PRICKLE1: variants seen among roughly 807,000 people sequenced by gnomAD.
The protein encoded by PRICKLE1 is prickle-like protein 1.
PRICKLE1 carries 14 observed loss-of-function variants against 70.2 expected under a neutral mutation model. The observed-to-expected ratio is 0.20, with a 90% CI of 0.13 to 0.31. The LOEUF is 0.31. PRICKLE1 is among the 10% of genes least tolerant of loss of function. The pLI is 1.00. For synonymous variants in PRICKLE1, 357 were observed against 379.9 expected, an observed-to-expected ratio of 0.94 and a Z score of 0.70; for missense variants, 821 against 1,026.2, an observed-to-expected ratio of 0.80 and a Z score of 2.73.
intron 1 of PRICKLE1, among the ~76,000 whole-genome samples, chr12:42,476,597 T>C (rs1938545789): frequency 6.6e-6 from 1 of 152,186 alleles, no homozygotes. Context: ...ATTACAGGCG[T>C]GAGCCACGGC....
At chr12:42,517,178 G>A (rs1172378612) in intron 1 of PRICKLE1, among the ~76,000 whole-genome samples, 3 of 152,028 alleles carry the variant, frequency 2.0e-5, no homozygotes, top group Non-Finnish European at 4.4e-5. Context: ...AGATTCCAAA[G>A]TTTTGTTATT....
Position 42,464,254 on chromosome 12 carries a change from C to G in PRICKLE1, c.1639+141G>C, listed in dbSNP as rs756832236. On this transcript the variant is annotated intron_variant, in intron 7 of 7. Transcript: ENST00000345127. This position sits in a 1 kb window ranked among gnomAD's most constrained non-coding sequence, Gnocchi z 4.2. Reference sequence around the variant, plus strand: ...TGGGCTGGTCTCGAACTCCTGACCTCAAATGATCTGCCCACCTCAGCCTCC... The same window carrying G: ...TGGGCTGGTCTCGAACTCCTGACCTGAAATGATCTGCCCACCTCAGCCTCC... The G allele has an allele frequency of 6.5e-6, 7 of 1,075,390 alleles. No individual in the cohort carries two copies. Among genetic ancestry groups the G allele is most frequent in the Non-Finnish European group, 1.0e-5 (7 of 703,442 alleles). 66.6% of individuals were successfully genotyped at this position (1,075,390 alleles called of 1,614,324 possible).
intron 1 of PRICKLE1, among the ~76,000 whole-genome samples, chr12:42,499,582 G>A (rs974148364): frequency 3.3e-5 from 5 of 151,820 alleles, no homozygotes; most frequent in Admixed American, 6.6e-5. Flanking sequence ...CACCACACCC[G>A]GCTCATTTTT....
chr12:42,484,210 C>G (rs371169994), intron 1 of PRICKLE1: 7 of 150,994 alleles, frequency 4.6e-5, no homozygotes, highest in African/African-American at 1.5e-4. Flanking sequence ...CACGAGGTCC[C>G]GCGCGCACAA....
intron 1 of PRICKLE1, among the ~76,000 whole-genome samples, chr12:42,504,746 T>C (rs895772332): frequency 5.9e-5 from 9 of 152,218 alleles, no homozygotes; most frequent in Non-Finnish European, 1.3e-4. Context: ...TTAGACAGCA[T>C]TCTTTCTCCA....
Position 42,465,142 on chromosome 12 carries a change from C to G in PRICKLE1, c.892G>C (p.Gly298Arg). ...LLGCPFLPKQGQIYCSKTCSL... is the reference protein window; with the variant it reads ...LLGCPFLPKQRQIYCSKTCSL... ...CACGTTTTTGAGCAGTAAATCTGAC[C>G]CTGTTTGGGAAGGAAGGGACATCCC... Residue 298 changes from glycine (G) to arginine (R), a missense_variant, in exon 7 of 8, where the codon GGT (glycine) becomes CGT (arginine). Transcript: ENST00000345127. The G allele has an allele frequency of 6.3e-7, 1 of 1,583,808 alleles. No homozygotes were observed. Among genetic ancestry groups the G allele is most frequent in the Non-Finnish European group, 8.6e-7 (1 of 1,169,534 alleles).
intron 1 of PRICKLE1, chr12:42,483,440 G>C (rs1459409514): frequency 2.0e-5 from 3 of 151,838 alleles, no homozygotes; most frequent in African/African-American, 7.3e-5. Flanking sequence ...CTGAGCCCTC[G>C]GCGCGCACTA....
intron 1 of PRICKLE1, among the ~76,000 whole-genome samples, chr12:42,478,801 T>A (rs1035127118): frequency 4.0e-5 from 6 of 151,792 alleles, no homozygotes; most frequent in African/African-American, 1.5e-4. Context: ...CAGTTCCATT[T>A]CCCTCCTTTG....
chr12:42,529,383 A>T (rs962732155), intron 1 of PRICKLE1, among the ~76,000 whole-genome samples: 1 of 147,842 alleles, frequency 6.8e-6, no homozygotes, highest in Admixed American at 6.7e-5. Context: ...CCTTTAAAAT[A>T]AATTTTAGTA....
At chr12:42,482,581 C>A (rs992720) in intron 1 of PRICKLE1, among the ~76,000 whole-genome samples, 6,986 of 152,316 alleles carry the variant, frequency 0.046, 221 homozygotes, top group Middle Eastern at 0.075. Context: ...CTGAACAACA[C>A]TCCTCTTTGT....
intron 1 of PRICKLE1, among the ~76,000 whole-genome samples, chr12:42,522,992 C>T (rs1939738267): frequency 2.0e-5 from 3 of 150,360 alleles, no homozygotes; most frequent in Non-Finnish European, 4.4e-5. Context: ...GATGGAGTCC[C>T]GCTCTGTCGC....
chr12:42,537,613 T>A (rs990893884), intron 1 of PRICKLE1, among the ~76,000 whole-genome samples: 1 of 152,260 alleles, frequency 6.6e-6, no homozygotes, highest in African/African-American at 2.4e-5. Context: ...ATTCAACAAA[T>A]ATTTAATGAG....
chr12:42,544,977 A>G (rs1039181314), intron 1 of PRICKLE1, among the ~76,000 whole-genome samples: 3 of 102,122 alleles, frequency 2.9e-5, no homozygotes, highest in East Asian at 2.9e-4. Context: ...TCCTAGGACT[A>G]CCACGCTGAA....
At chr12:42,586,652 A>G (rs1423374406) in intron 1 of PRICKLE1, among the ~76,000 whole-genome samples, 5 of 152,218 alleles carry the variant, frequency 3.3e-5, no homozygotes, top group Admixed American at 2.0e-4. Context: ...AGCCCAAAAT[A>G]TAGGTATAGG....
Position 42,459,685 on chromosome 12 carries a change from T to G in PRICKLE1, c.*124A>C. 1 of 1,118,070 alleles carries G rather than the reference T, an allele frequency of 8.9e-7. No individual in the cohort carries two copies. The highest frequency in any genetic ancestry group is 2.3e-5 in the East Asian group (1 of 42,650). 69.3% of individuals were successfully genotyped at this position (1,118,070 alleles called of 1,614,324 possible). A position where few individuals can be genotyped will look rare whatever the true frequency, so the allele number is the denominator to read the frequency against. ...TCTGACACTGTAAACAGCAGTTGAG[T>G]TCTCATTTACATGGGCAAAGAAAGC... On this transcript the variant is annotated 3_prime_UTR_variant, in exon 8 of 8. Coordinates refer to ENST00000345127, the MANE Select transcript of PRICKLE1 (RefSeq NM_153026.3).
intron 1 of PRICKLE1, among the ~76,000 whole-genome samples, chr12:42,495,380 CAA>C (rs756105644): frequency 0.039 from 2,688 of 68,952 alleles, 85 homozygotes; most frequent in African/African-American, 0.12. Flanking sequence ...GACCTTGTCT[CAA>C]AAAAAAAAAA....
At position 42,457,583 on chromosome 12, in the gene PRICKLE1, T is replaced by C. The variant is rs1566072737; in HGVS notation, c.*2226A>G. Reference sequence around the variant, plus strand: ...CCATCAGTCTTAAATACGTAACCTTTGTCCCAGTAACTACGCTGCTCCCGA... The same window carrying C: ...CCATCAGTCTTAAATACGTAACCTTCGTCCCAGTAACTACGCTGCTCCCGA... On this transcript the variant is annotated 3_prime_UTR_variant, in exon 8 of 8. Transcript: ENST00000345127. 6.6e-6 allele frequency: 1 copy of C among 152,250 alleles called. No individual in the cohort carries two copies. The highest frequency in any genetic ancestry group is 2.1e-4 in the South Asian group (1 of 4,834). The allele number at this position is 152,250 out of a possible 1,614,324, so 9.4% of individuals were successfully genotyped here.
chr12:42,540,880 C>T (rs1940099772), intron 1 of PRICKLE1, among the ~76,000 whole-genome samples: 1 of 152,070 alleles, frequency 6.6e-6, no homozygotes, highest in Non-Finnish European at 1.5e-5. Flanking sequence ...TCTTCTACCT[C>T]CATCAAGCCT....
At chr12:42,509,299 A>G (rs1387132554) in intron 1 of PRICKLE1, among the ~76,000 whole-genome samples, 1 of 152,252 alleles carries the variant, frequency 6.6e-6, no homozygotes, top group South Asian at 2.1e-4. Flanking sequence ...CTAGAGACGC[A>G]TTTAGGCTAA....
Sources: allele counts gnomAD v4.1 joint callset (sites outside exome capture counted in the v4.1 genomes callset), GRCh38; gene constraint gnomAD v4.1.1; non-coding constraint Gnocchi (gnomAD v3.1); transcripts MANE v1.5; gene names NCBI Gene and HGNC (gene_info 2026-07-23, HGNC 2026-07-21).